RNF182: variants seen among roughly 807,000 people sequenced by gnomAD.
RNF182 encodes the protein ring finger protein 182.
In RNF182, 15 loss-of-function variants were observed where a neutral mutation model predicts 14.4. That is an observed-to-expected ratio of 1.04 (90% CI 0.70 to 1.60). RNF182 has a LOEUF of 1.60. Among genes scored for constraint, RNF182 ranks in the 40% most tolerant of loss-of-function variants. The probability of loss-of-function intolerance (pLI) is 0.00; values close to 1 mark genes in which losing one functional copy is unlikely to be tolerated. For synonymous variants in RNF182, 128 were observed against 122.9 expected, an observed-to-expected ratio of 1.04 and a Z score of -0.27; for missense variants, 268 against 294.8, an observed-to-expected ratio of 0.91 and a Z score of 0.67.
At chr6:13,975,664 C>A (rs894168613) in intron 2 of RNF182, among the ~76,000 whole-genome samples, 1 of 152,108 alleles carries the variant, frequency 6.6e-6, no homozygotes, top group African/African-American at 2.4e-5. Context: ...TTAAAGTTAT[C>A]CAGATTCAGC....
intron 1 of RNF182, among the ~76,000 whole-genome samples, chr6:13,967,849 C>A (rs432578): frequency 4.6e-4 from 70 of 152,020 alleles, no homozygotes; most frequent in African/African-American, 1.4e-3. Flanking sequence ...CGTGAGCCAC[C>A]ATGCCTGGCC....
At chr6:13,944,672 A>G (rs1561778908) in intron 1 of RNF182, among the ~76,000 whole-genome samples, 1 of 152,194 alleles carries the variant, frequency 6.6e-6, no homozygotes, top group African/African-American at 2.4e-5. Context: ...TGTTTAGTTA[A>G]CCAGGTGTGC....
At chr6:13,937,749 C>G (rs1210515430) in intron 1 of RNF182, among the ~76,000 whole-genome samples, 1 of 150,028 alleles carries the variant, frequency 6.7e-6, no homozygotes, top group Admixed American at 6.6e-5. Context: ...AAACAGTTGT[C>G]CAGGTGGTTA....
At chr6:13,957,302 C>T (rs756162679) in intron 1 of RNF182, among the ~76,000 whole-genome samples, 11 of 152,146 alleles carry the variant, frequency 7.2e-5, no homozygotes, top group Non-Finnish European at 1.3e-4. Context: ...CAAAGTGACA[C>T]ATTCATTAAG....
At chr6:13,926,628 T>C (rs1440649906) in intron 1 of RNF182, among the ~76,000 whole-genome samples, 1 of 152,206 alleles carries the variant, frequency 6.6e-6, no homozygotes, top group Non-Finnish European at 1.5e-5. Context: ...TAAAACGAAG[T>C]AGATCTGTTT....
intron 1 of RNF182, among the ~76,000 whole-genome samples, chr6:13,939,549 A>C (rs1408883700): frequency 2.0e-5 from 3 of 148,300 alleles, no homozygotes; most frequent in Non-Finnish European, 4.5e-5. Flanking sequence ...TTATTTTTTT[A>C]TTTTTATTTT....
rs531475181 is a variant in RNF182, at chr6:13,974,725, ACACT to A, written c.-212+365_-212+368del. ...CTAATGTGTTCTTACGTATTCATAAACACTCACATGTCTACTCTAGCTTTCTGTA... is the reference window on the plus strand; with the variant it reads ...CTAATGTGTTCTTACGTATTCATAAACACATGTCTACTCTAGCTTTCTGTA... On this transcript the variant is annotated intron_variant, in intron 2 of 2. Coordinates refer to ENST00000488300, the MANE Select transcript of RNF182 (RefSeq NM_152737.4). Among the ~76,000 whole-genome samples, 41 of 152,336 alleles carry A rather than the reference ACACT, an allele frequency of 2.7e-4. No homozygotes were observed. In the South Asian group the frequency reaches 8.1e-3, roughly 30 times the overall value.
intron 1 of RNF182, among the ~76,000 whole-genome samples, chr6:13,953,847 C>T (rs1370156685): frequency 6.6e-6 from 1 of 152,082 alleles, no homozygotes; most frequent in African/African-American, 2.4e-5. Context: ...GAAGGTGAGG[C>T]CATCGCCAGC....
chr6:13,938,682 GTTATT>G (rs1759206293), intron 1 of RNF182, among the ~76,000 whole-genome samples: 1 of 152,130 alleles, frequency 6.6e-6, no homozygotes, highest in Admixed American at 6.5e-5. Flanking sequence ...TTGACCCAGC[GTTATT>G]TATTGAAAAT....
chr6:13,963,396 C>A (rs572716245), intron 1 of RNF182, among the ~76,000 whole-genome samples: 2 of 152,256 alleles, frequency 1.3e-5, no homozygotes, highest in South Asian at 2.1e-4. Flanking sequence ...TCTATTGTTA[C>A]AAAAGCACCT....
At chr6:13,943,308 A>G (rs571674531) in intron 1 of RNF182, among the ~76,000 whole-genome samples, 1 of 151,886 alleles carries the variant, frequency 6.6e-6, no homozygotes, top group Admixed American at 6.6e-5. Context: ...TTTTGTAGAA[A>G]TAGGGTCTCA....
chr6:13,927,232 A>G (rs1448722269), intron 1 of RNF182, among the ~76,000 whole-genome samples: 2 of 152,192 alleles, frequency 1.3e-5, no homozygotes, highest in Non-Finnish European at 2.9e-5. Flanking sequence ...ATGTGTTACT[A>G]GTGTTCTGAG....
chr6:13,973,899 A>G (rs1415270387), intron 1 of RNF182, among the ~76,000 whole-genome samples: 1 of 152,136 alleles, frequency 6.6e-6, no homozygotes, highest in Non-Finnish European at 1.5e-5. Context: ...TGAACTTTAT[A>G]TTAATGGACT....
chr6:13,968,796 A>T lies in RNF182; in HGVS notation c.-366-5414A>T, dbSNP rs368736129. ...TATATGTAAATGTGTTTATGTGTACATGTGCATGCATGTGTGCACGTGTGC... is the reference window on the plus strand; with the variant it reads ...TATATGTAAATGTGTTTATGTGTACTTGTGCATGCATGTGTGCACGTGTGC... On this transcript the variant is annotated intron_variant, in intron 1 of 2. Transcript: ENST00000488300. Among the ~76,000 whole-genome samples, 9 of 152,328 alleles carry T rather than the reference A, an allele frequency of 5.9e-5. No individual in the cohort carries two copies. In the East Asian group the frequency reaches 1.3e-3, roughly 23 times the overall value.
At chr6:13,927,132 C>T (rs1401314205) in intron 1 of RNF182, among the ~76,000 whole-genome samples, 3 of 152,050 alleles carry the variant, frequency 2.0e-5, no homozygotes, top group Non-Finnish European at 2.9e-5. Flanking sequence ...GCATGCACTG[C>T]TTGGTTGTAG....
intron 1 of RNF182, among the ~76,000 whole-genome samples, chr6:13,966,831 C>CGTGT (rs1554127193): frequency 1.4e-4 from 14 of 98,970 alleles, no homozygotes; most frequent in Admixed American, 2.5e-4. Context: ...TGTGCGCGTG[C>CGTGT]GTGTGTGTGT....
intron 1 of RNF182, among the ~76,000 whole-genome samples, chr6:13,931,733 C>A (rs143719752): frequency 6.6e-6 from 1 of 151,710 alleles, no homozygotes; most frequent in Non-Finnish European, 1.5e-5. Context: ...TTTAGTGATA[C>A]GACCTTGAGG....
chr6:13,971,552 G>T (rs923603645), intron 1 of RNF182, among the ~76,000 whole-genome samples: 7 of 152,152 alleles, frequency 4.6e-5, no homozygotes, highest in African/African-American at 1.7e-4. Flanking sequence ...TTTGGAACTG[G>T]GTAACAGACA....
At chr6:13,941,902 C>T (rs1431602200) in intron 1 of RNF182, among the ~76,000 whole-genome samples, 1 of 152,092 alleles carries the variant, frequency 6.6e-6, no homozygotes, top group African/African-American at 2.4e-5. Context: ...CTGTTTTATA[C>T]AGTTAGTATT....
Sources: gnomAD v4.1 joint callset for allele counts (sites outside exome capture counted in the v4.1 genomes callset) on GRCh38, gnomAD v4.1.1 for gene constraint, MANE v1.5 for transcripts, NCBI Gene and HGNC (gene_info 2026-07-23, HGNC 2026-07-21) for gene names.